PHRF1: variants seen among roughly 807,000 people sequenced by gnomAD.
The protein encoded by PHRF1 is PHD and ring finger domains 1, also known as PHD and RING finger domain-containing protein 1.
Under a neutral mutation model 128.9 loss-of-function variants are expected in PHRF1, and 53 were observed. The observed-to-expected ratio is 0.41, with a 90% CI of 0.33 to 0.52. PHRF1 has a LOEUF of 0.52. Ranked by LOEUF, PHRF1 falls within the 20% of genes least tolerant of loss-of-function variation. The pLI, the probability that PHRF1 is intolerant of heterozygous loss-of-function variation, is 0.21. For synonymous variants in PHRF1, 1,178 were observed against 980.6 expected, an observed-to-expected ratio of 1.20 and a Z score of -3.76; for missense variants, 2,503 against 2,284.5, an observed-to-expected ratio of 1.10 and a Z score of -1.95.
chr11:604,416 G>A lies in PHRF1; in HGVS notation c.1153-703G>A, dbSNP rs907566267. Among the ~76,000 whole-genome samples the A allele has an allele frequency of 3.9e-5, 6 of 152,384 alleles. No homozygotes were observed. In the East Asian group the frequency reaches 1.2e-3, roughly 29 times the overall value. On this transcript the variant is annotated intron_variant, in intron 10 of 17. Coordinates refer to ENST00000264555, the MANE Select transcript of PHRF1 (RefSeq NM_001286581.2). ...CTGTCCGCTCTGCCTAGAATCAGAA[G>A]GAAACAGCTAGTAACTCTTAGGGTT...
At chr11:599,378 G>A (rs1855501197) in intron 9 of PHRF1, among the ~76,000 whole-genome samples, 1 of 148,836 alleles carries the variant, frequency 6.7e-6, no homozygotes, top group Non-Finnish European at 1.5e-5. Context: ...AGCCTCCCAA[G>A]TAGCTGGAAT....
At chr11:590,510 C>T (rs2132932224) in intron 4 of PHRF1, among the ~76,000 whole-genome samples, 1 of 152,234 alleles carries the variant, frequency 6.6e-6, no homozygotes, top group African/African-American at 2.4e-5. Flanking sequence ...GAGGGAAGGG[C>T]CCGAAGACCA....
chr11:583,170 C>T (rs1854315922), intron 3 of PHRF1, among the ~76,000 whole-genome samples: 2 of 151,416 alleles, frequency 1.3e-5, no homozygotes, highest in South Asian at 4.2e-4. Flanking sequence ...GAAACCCCGT[C>T]TCTACTAAAA....
intron 6 of PHRF1, among the ~76,000 whole-genome samples, chr11:594,860 C>T (rs1855189758): frequency 6.6e-6 from 1 of 150,842 alleles, no homozygotes; most frequent in Admixed American, 6.7e-5. Flanking sequence ...TATTGATTTT[C>T]TTTCTACCTA....
At position 608,418 on chromosome 11, in the gene PHRF1, A is replaced by G. The variant is rs775813963; in HGVS notation, c.2962A>G (p.Arg988Gly). The G allele has an allele frequency of 6.2e-7, 1 of 1,611,472 alleles. No individual in the cohort carries two copies. Among genetic ancestry groups the G allele is most frequent in the South Asian group, 1.1e-5 (1 of 90,924 alleles). The change falls in exon 14 of 18, where the codon AGG becomes GGG. Residue 988 changes from arginine to glycine, a missense_variant. By Grantham distance (125) the Arg-to-Gly change is moderately radical. Coordinates refer to ENST00000264555, the MANE Select transcript of PHRF1 (RefSeq NM_001286581.2). ...TGCCACCCACAGAGTCGTGGAGCTC[A>G]GGCCCCCTTCCCGGTCCCGCTCCAC... ...QAATHRVVEL[R>G]PPSRSRSTSS...
intron 6 of PHRF1, among the ~76,000 whole-genome samples, chr11:594,354 C>T (rs1328254692): frequency 2.0e-5 from 3 of 152,226 alleles, no homozygotes; most frequent in African/African-American, 4.8e-5. Flanking sequence ...TCTAGTGGCT[C>T]GAGGGCAGCT....
Position 607,788 on chromosome 11 carries a change from C to T in PHRF1, c.2332C>T (p.Arg778Trp), listed in dbSNP as rs781576937. ...KGVGSTFESF[R>W]INIPGNMAHS... ...GGTCGGGTCGACCTTTGAGAGCTTC[C>T]GGATCAATATTCCTGGAAACATGGC... is the stretch of plus-strand genomic sequence containing the variant. The change falls in exon 14 of 18, where the codon CGG (arginine) becomes TGG (tryptophan). Residue 778 changes from arginine to tryptophan, a missense_variant. By Grantham distance (101) the Arg-to-Trp change is moderately radical. Transcript: ENST00000264555. 4.3e-6 allele frequency: 7 copies of T among 1,612,604 alleles called. No individual in the cohort carries two copies. The highest frequency in any genetic ancestry group is 1.7e-5 in the Admixed American group (1 of 60,002).
At position 611,838 on chromosome 11, in the gene PHRF1, G is replaced by C; in HGVS notation, c.*61G>C. The C allele has an allele frequency of 6.5e-7, 1 of 1,530,774 alleles. No individual in the cohort carries two copies. The highest frequency in any genetic ancestry group is 8.8e-7 in the Non-Finnish European group (1 of 1,141,758). 94.8% of individuals were successfully genotyped at this position (1,530,774 alleles called of 1,614,324 possible). A position where few individuals can be genotyped will look rare whatever the true frequency, so the allele number is the denominator to read the frequency against. ...CGGGAGTGGCGGGAATCGGGGCCAT[G>C]CCCGGGGAGCTGTCGGGAGTGGCGG... is the stretch of plus-strand genomic sequence containing the variant. On this transcript the variant is annotated 3_prime_UTR_variant, in exon 18 of 18. Transcript: ENST00000264555.
At position 596,428 on chromosome 11, in the gene PHRF1, C is replaced by G. The variant is rs536514566; in HGVS notation, c.621-495C>G. On this transcript the variant is annotated intron_variant, in intron 6 of 17. Transcript: ENST00000264555. ...AACCCGGGAGTGAGGGTGGGGGAGA[C>G]AAGCTCTCTGGGAAGGGGGCCCCAC... Among the ~76,000 whole-genome samples the G allele has an allele frequency of 5.9e-4, 90 of 152,282 alleles. 1 individual carries two copies. The highest frequency in any genetic ancestry group is 1.9e-3 in the African/African-American group (79 of 41,560).
intron 6 of PHRF1, among the ~76,000 whole-genome samples, chr11:593,066 T>C (rs912015980): frequency 3.2e-4 from 49 of 152,268 alleles, no homozygotes; most frequent in African/African-American, 9.6e-4. Context: ...TGCTCCTCCT[T>C]CACCCTCTGG....
intron 3 of PHRF1, among the ~76,000 whole-genome samples, chr11:583,382 T>G (rs186582196): frequency 6.7e-6 from 1 of 149,940 alleles, no homozygotes; most frequent in Non-Finnish European, 1.5e-5. Flanking sequence ...CCGGGCGTGG[T>G]GGTGCGTGCC....
chr11:609,036 A>C lies in PHRF1; in HGVS notation c.3580A>C (p.Arg1194=). ...GCAGACCCGGTCCCATTCCCCAGAG[A>C]GGAAGGGGGCTGTGAGGGAGGCTTC... The part of the protein sequence containing the change: ...WPQTRSHSPE[R]KGAVREASPA... Residue 1194 remains arginine, a synonymous_variant, in exon 14 of 18, where the codon AGG becomes CGG. Transcript: ENST00000264555. 6.3e-7 allele frequency: 1 copy of C among 1,595,318 alleles called. No individual in the cohort carries two copies.
chr11:606,575 T>C lies in PHRF1; in HGVS notation c.1588T>C (p.Ser530Pro). ...TGATGTCATCATCCACCGCGACGGC[T>C]CCCTCAGCGCCAAGAGGGCGGGTGA... ...SSDVIIHRDGSLSAKRAAPVS... is the reference protein window; with the variant it reads ...SSDVIIHRDGPLSAKRAAPVS... The change falls in exon 13 of 18, where the codon TCC becomes CCC. Residue 530 changes from serine to proline, a missense_variant. Physicochemically the swap from Ser to Pro is moderately conservative, Grantham distance 74. Coordinates refer to ENST00000264555, the MANE Select transcript of PHRF1 (RefSeq NM_001286581.2). The C allele has an allele frequency of 1.2e-6, 2 of 1,607,222 alleles. No homozygotes were observed. Among genetic ancestry groups the C allele is most frequent in the Non-Finnish European group, 1.7e-6 (2 of 1,177,628 alleles).
intron 3 of PHRF1, 29 bp downstream of exon 3, chr11:582,110 C>A (rs773748041): frequency 6.4e-7 from 1 of 1,562,728 alleles, no homozygotes; most frequent in Non-Finnish European, 8.7e-7. Flanking sequence ...ACGCCGGCTC[C>A]TGTGTTTCCT....
intron 3 of PHRF1, among the ~76,000 whole-genome samples, chr11:585,257 C>T (rs111487115): frequency 0.02 from 2,821 of 142,766 alleles, 59 homozygotes; most frequent in African/African-American, 0.07. Flanking sequence ...AGGTAGTAGC[C>T]CTTTCCAGCT....
At chr11:596,567 C>T (rs1213941427) in intron 6 of PHRF1, among the ~76,000 whole-genome samples, 1 of 152,190 alleles carries the variant, frequency 6.6e-6, no homozygotes, top group Non-Finnish European at 1.5e-5. Flanking sequence ...GCAGCGTAAA[C>T]CGCAGGTCTT....
intron 9 of PHRF1, among the ~76,000 whole-genome samples, chr11:599,253 CTTTTTT>C (rs754658303): frequency 9.5e-6 from 1 of 104,980 alleles, no homozygotes; most frequent in African/African-American, 3.9e-5. Context: ...TTTTTCTTTT[CTTTTTT>C]TTTTTTTTTT....
rs1372560431 is a variant in PHRF1, at chr11:607,795, A to G, written c.2339A>G (p.Asn780Ser). 3 of 1,612,724 alleles carry G rather than the reference A, an allele frequency of 1.9e-6. No homozygotes were observed. Among genetic ancestry groups the G allele is most frequent in the Admixed American group, 1.7e-5 (1 of 60,026 alleles). ...TCGACCTTTGAGAGCTTCCGGATCA[A>G]TATTCCTGGAAACATGGCACATTCC... ...VGSTFESFRI[N>S]IPGNMAHSSQ... is the part of the protein sequence containing the mutation. Residue 780 changes from asparagine (N) to serine (S), a missense_variant, in exon 14 of 18, where the codon AAT becomes AGT. Physicochemically the swap from Asn to Ser is conservative, Grantham distance 46. Coordinates refer to ENST00000264555, the MANE Select transcript of PHRF1 (RefSeq NM_001286581.2).
Position 608,397 on chromosome 11 carries a change from A to C in PHRF1, c.2941A>C (p.Thr981Pro), listed in dbSNP as rs754757868. ...CAGCCCGGACGTGCTGCAGGCTGCCACCCACAGAGTCGTGGAGCTCAGGCC... is the reference window on the plus strand; with the variant it reads ...CAGCCCGGACGTGCTGCAGGCTGCCCCCCACAGAGTCGTGGAGCTCAGGCC... ...PPSPDVLQAA[T>P]HRVVELRPPS... The change falls in exon 14 of 18, where the codon ACC (threonine) becomes CCC (proline). Residue 981 changes from threonine to proline, a missense_variant. By Grantham distance (38) the Thr-to-Pro change is conservative (BLOSUM62 -1). Coordinates refer to ENST00000264555, the MANE Select transcript of PHRF1 (RefSeq NM_001286581.2). The C allele has an allele frequency of 1.9e-6, 3 of 1,611,576 alleles. No homozygotes were observed. In the African/African-American group the frequency reaches 4.0e-5, roughly 22 times the overall value.
Sources: gnomAD v4.1 joint callset for allele counts (sites outside exome capture counted in the v4.1 genomes callset) on GRCh38, gnomAD v4.1.1 for gene constraint, MANE v1.5 for transcripts, NCBI Gene and HGNC (gene_info 2026-07-23, HGNC 2026-07-21) for gene names.